The following ITGA11 variants were observed in gnomAD, a reference collection of about 807,000 sequenced individuals.
ITGA11 encodes the protein integrin alpha-11.
Under a neutral mutation model 141.9 loss-of-function variants are expected in ITGA11, and 97 were observed. The observed-to-expected ratio is 0.68, with a 90% CI of 0.58 to 0.81. The LOEUF (loss-of-function observed/expected upper bound fraction) is 0.81. ITGA11 is among the 30% of genes least tolerant of loss of function. The pLI is 0.00. For missense variants in ITGA11, 1,387 were observed against 1,559.2 expected (o/e 0.89, Z 1.86); for synonymous variants, 658 against 624.6 (o/e 1.05, Z -0.80).
chr15:68,316,963 T>C (rs902273605), intron 21 of ITGA11, among the ~76,000 whole-genome samples: 1 of 152,136 alleles, frequency 6.6e-6, no homozygotes, highest in Non-Finnish European at 1.5e-5. Flanking sequence ...AGGCCAGAAA[T>C]TTGAAAAACT....
rs1895099217 is a variant in ITGA11, at chr15:68,357,235, A to G, written c.665T>C (p.Val222Ala). Residue 222 changes from valine (V) to alanine (A), a missense_variant, in exon 7 of 30, where the codon GTA becomes GCA. Val to Ala is a moderately conservative substitution (Grantham distance 64). Coordinates refer to ENST00000315757, the MANE Select transcript of ITGA11 (RefSeq NM_001004439.2). ...GCTGGCAGCTTCCACCACATCTTTT[A>G]CAGACCTGTAGTCGTTGAGGTGAAA... ...HEFHLNDYRS[V>A]KDVVEAASHI... 1 of 1,613,720 alleles carries G rather than the reference A, an allele frequency of 6.2e-7. No homozygotes were observed. The highest frequency in any genetic ancestry group is 8.5e-7 in the Non-Finnish European group (1 of 1,179,860).
Position 68,308,954 on chromosome 15 carries a change from A to T in ITGA11, c.3175-1258T>A, listed in dbSNP as rs1274838004. On this transcript the variant is annotated intron_variant, in intron 26 of 29. Coordinates refer to ENST00000315757, the MANE Select transcript of ITGA11 (RefSeq NM_001004439.2). The surrounding 1 kb of genome is among the most constrained non-coding windows in gnomAD (Gnocchi z 5.2). ...AGTTGGCTTAGTTTACATCATTCTG[A>T]TTGAAAAATTAAAGTTGAGCAAAAT... Among the ~76,000 whole-genome samples the T allele has an allele frequency of 6.6e-6, 1 of 152,220 alleles. No homozygotes were observed. Among genetic ancestry groups the T allele is most frequent in the Non-Finnish European group, 1.5e-5 (1 of 68,040 alleles).
chr15:68,394,887 T>A lies in ITGA11; in HGVS notation c.164+8031A>T, dbSNP rs114522559. Among the ~76,000 whole-genome samples the A allele has an allele frequency of 3.5e-3, 539 of 152,276 alleles. 3 individuals are homozygous for A. The highest frequency in any genetic ancestry group is 0.013 in the African/African-American group (522 of 41,552). ...CACAAGAAGGAGTAGCAAATCTGAA[T>A]AATCCATTATCTTTAAGAAGTTGAG... On this transcript the variant is annotated intron_variant, in intron 2 of 29. Coordinates refer to ENST00000315757, the MANE Select transcript of ITGA11 (RefSeq NM_001004439.2).
chr15:68,318,686 C>A (rs1194470801), intron 20 of ITGA11, among the ~76,000 whole-genome samples: 1 of 152,126 alleles, frequency 6.6e-6, no homozygotes, highest in Non-Finnish European at 1.5e-5. Context: ...CTCAGCTTCC[C>A]CTCCTGGCTA....
At chr15:68,358,866 A>G (rs1366988651) in intron 5 of ITGA11, among the ~76,000 whole-genome samples, 1 of 152,218 alleles carries the variant, frequency 6.6e-6, no homozygotes, top group African/African-American at 2.4e-5. Flanking sequence ...CAATCGGCCA[A>G]CGCTTCCGAG....
rs774060103 is a variant in ITGA11 at position 68,313,864 on chromosome 15, T to C, written c.2797A>G (p.Ser933Gly). ...LEIELAAGSDSNERDSTKEDN... is the reference protein window; with the variant it reads ...LEIELAAGSDGNERDSTKEDN... ...TCCTTGGTGCTGTCCCGCTCATTAC[T>C]GTCACTGCAAGGAGAGCCAGGCGGC... is the stretch of plus-strand genomic sequence containing the variant. Residue 933 changes from serine to glycine, a missense_variant, in exon 23 of 30, where the codon AGT (serine) becomes GGT (glycine). Ser to Gly is a moderately conservative substitution (Grantham distance 56, BLOSUM62 0). Coordinates refer to ENST00000315757, the MANE Select transcript of ITGA11 (RefSeq NM_001004439.2). 1.2e-6 allele frequency: 2 copies of C among 1,613,756 alleles called. No homozygotes were observed. Among genetic ancestry groups the C allele is most frequent in the East Asian group, 4.5e-5 (2 of 44,880 alleles).
chr15:68,303,709 G>C lies in ITGA11; in HGVS notation c.3495+63C>G. On this transcript the variant is annotated intron_variant, in intron 29 of 29. Transcript: ENST00000315757. The surrounding 1 kb of genome is among the most constrained non-coding windows in gnomAD (Gnocchi z 5.3). Reference sequence around the variant, plus strand: ...CGTGGCAGCGGCCACGAAGTTCCAGGGGCTGGAGCCTGGGCCCACCAGCCA... The same window carrying C: ...CGTGGCAGCGGCCACGAAGTTCCAGCGGCTGGAGCCTGGGCCCACCAGCCA... 5.1e-6 allele frequency: 6 copies of C among 1,186,516 alleles called. No individual in the cohort carries two copies. The highest frequency in any genetic ancestry group is 7.4e-6 in the Non-Finnish European group (6 of 813,014). 73.5% of individuals were successfully genotyped at this position (1,186,516 alleles called of 1,614,324 possible).
At chr15:68,412,463 C>T (rs1377933954) in intron 1 of ITGA11, among the ~76,000 whole-genome samples, 3 of 152,068 alleles carry the variant, frequency 2.0e-5, no homozygotes, top group African/African-American at 7.2e-5. Context: ...CGCAGACCCA[C>T]AGCCAGCCAG....
intron 26 of ITGA11, 122 bp downstream of exon 26, chr15:68,310,872 A>G: frequency 2.8e-6 from 2 of 720,652 alleles, no homozygotes; most frequent in East Asian, 2.7e-5. Flanking sequence ...GGCTGGGTAC[A>G]TACAGGTGCT....
chr15:68,338,680 G>A (rs895533533), intron 11 of ITGA11, among the ~76,000 whole-genome samples: 4 of 152,234 alleles, frequency 2.6e-5, no homozygotes, highest in Non-Finnish European at 4.4e-5. Context: ...AACAAAGGTT[G>A]GGATGGGATG....
In ITGA11 at chr15:68,325,785, A is replaced by T. The variant is rs557080532; in HGVS notation, c.2212-544T>A. Among the ~76,000 whole-genome samples, 439 of 152,314 alleles carry T rather than the reference A, an allele frequency of 2.9e-3. 2 individuals are homozygous for T. Among genetic ancestry groups the T allele is most frequent in the African/African-American group, 0.01 (418 of 41,562 alleles). On this transcript the variant is annotated intron_variant, in intron 17 of 29. Transcript: ENST00000315757. This position sits in a 1 kb window ranked among gnomAD's most constrained non-coding sequence, Gnocchi z 5.5. ...GCGCTCAGGTTGGTTCTGAGCATAG[A>T]TGGTAAGTAAAGGGGTTGCTTAGAG... is the stretch of plus-strand genomic sequence containing the variant.
At chr15:68,416,714 G>A (rs1205926072) in intron 1 of ITGA11, among the ~76,000 whole-genome samples, 2 of 152,010 alleles carry the variant, frequency 1.3e-5, no homozygotes, top group South Asian at 4.2e-4. Flanking sequence ...TCAGGAGTTC[G>A]AGACCAGCCT....
At position 68,332,074 on chromosome 15, in the gene ITGA11, G is replaced by A. The variant is rs1894187073; in HGVS notation, c.1567-12C>T. ...TAAACAAACAGGTTCTGCAAAACCA[G>A]GGGCAGAAAAAGGCTGGGGAGGGTT... On this transcript the variant is annotated splice_polypyrimidine_tract_variant and intron_variant, in intron 13 of 29. Transcript: ENST00000315757. The A allele has an allele frequency of 6.3e-7, 1 of 1,579,342 alleles. No individual in the cohort carries two copies. Among genetic ancestry groups the A allele is most frequent in the South Asian group, 1.2e-5 (1 of 86,202 alleles).
Position 68,333,460 on chromosome 15 carries a change from A to G in ITGA11, c.1426-982T>C, listed in dbSNP as rs1418233942. On this transcript the variant is annotated intron_variant, in intron 12 of 29. Coordinates refer to ENST00000315757, the MANE Select transcript of ITGA11 (RefSeq NM_001004439.2). This position sits in a 1 kb window ranked among gnomAD's most constrained non-coding sequence, Gnocchi z 4.2. ...TGGATGGTGAATTATGATTTCTTTC[A>G]GTGTCTGAGCACTTGCTGTGTTCCC... Among the ~76,000 whole-genome samples the G allele has an allele frequency of 6.6e-6, 1 of 152,164 alleles. No individual in the cohort carries two copies. The highest frequency in any genetic ancestry group is 1.5e-5 in the Non-Finnish European group (1 of 68,030).
chr15:68,413,980 A>G (rs1006768542), intron 1 of ITGA11, among the ~76,000 whole-genome samples: 6 of 152,338 alleles, frequency 3.9e-5, no homozygotes, highest in Non-Finnish European at 7.4e-5. Flanking sequence ...TGCCTGTACC[A>G]TGGAGACTTG....
chr15:68,384,275 A>G (rs578158888), intron 2 of ITGA11, among the ~76,000 whole-genome samples: 17 of 151,218 alleles, frequency 1.1e-4, no homozygotes, highest in African/African-American at 3.9e-4. Context: ...AAAAAAAAAA[A>G]AAAAGGAGAC....
Position 68,350,793 on chromosome 15 carries a change from A to T in ITGA11, c.895-11T>A. ...GTAGTAGCCCAGGACCTGCCAGGGA[A>T]CAGGGGCAGGAACCACAAACCAGAA... On this transcript the variant is annotated splice_polypyrimidine_tract_variant and intron_variant, in intron 8 of 29. Transcript: ENST00000315757. 1 of 1,608,452 alleles carries T rather than the reference A, an allele frequency of 6.2e-7. No homozygotes were observed. The highest frequency in any genetic ancestry group is 8.5e-7 in the Non-Finnish European group (1 of 1,176,944).
Position 68,297,999 on chromosome 15 carries a change from T to C in ITGA11, c.*5060A>G, listed in dbSNP as rs1284264083. On this transcript the variant is annotated 3_prime_UTR_variant, in exon 30 of 30. Coordinates refer to ENST00000315757, the MANE Select transcript of ITGA11 (RefSeq NM_001004439.2). ...GATGCCAGTACTAGGGAAGCTCACC[T>C]TCAGATCTCTGCTAGGTCACTCCCT... 1 of 152,220 alleles carries C rather than the reference T, an allele frequency of 6.6e-6. No homozygotes were observed. Among genetic ancestry groups the C allele is most frequent in the Non-Finnish European group, 1.5e-5 (1 of 68,036 alleles). 9.4% of individuals were successfully genotyped at this position (152,220 alleles called of 1,614,324 possible).
At chr15:68,427,309 G>C (rs1897166006) in intron 1 of ITGA11, among the ~76,000 whole-genome samples, 1 of 152,180 alleles carries the variant, frequency 6.6e-6, no homozygotes, top group African/African-American at 2.4e-5. Context: ...CTCAGCACTT[G>C]ACACAAATGA....
Sources: allele counts gnomAD v4.1 joint callset (sites outside exome capture counted in the v4.1 genomes callset), GRCh38; gene constraint gnomAD v4.1.1; non-coding constraint Gnocchi (gnomAD v3.1); transcripts MANE v1.5; gene names NCBI Gene and HGNC (gene_info 2026-07-23, HGNC 2026-07-21).